WNK2: variants seen among roughly 807,000 people sequenced by gnomAD.
WNK2 encodes the protein serine/threonine-protein kinase WNK2.
In WNK2, 67 loss-of-function variants were observed where a neutral mutation model predicts 192.1. The ratio of observed to expected loss-of-function variants is 0.35; its 90% CI spans 0.29 to 0.43. WNK2 has a LOEUF of 0.43. WNK2 is among the 20% of genes least tolerant of loss of function. The pLI, the probability that WNK2 is intolerant of heterozygous loss-of-function variation, is 1.00. For synonymous variants in WNK2, 1,439 were observed against 1,393.9 expected, an observed-to-expected ratio of 1.03 and a Z score of -0.72; for missense variants, 2,698 against 3,089.7, an observed-to-expected ratio of 0.87 and a Z score of 3.01.
At chr9:93,320,234 CAG>C (rs1855296834) in intron 29 of WNK2, 131 bp from the exon 30 acceptor site, 1 of 965,442 alleles carries the variant, frequency 1.0e-6, no homozygotes, top group Admixed American at 2.3e-5. Context: ...ACCATCTACA[CAG>C]GGCGTGGGTC....
intron 16 of WNK2, among the ~76,000 whole-genome samples, chr9:93,264,865 CAAGTT>C (rs1564125277): frequency 6.6e-6 from 1 of 152,216 alleles, no homozygotes; most frequent in Non-Finnish European, 1.5e-5. Context: ...ATATACCACT[CAAGTT>C]AATATCATAG....
chr9:93,252,819 G>A, intron 8 of WNK2, 64 bp from the exon 9 acceptor site: 1 of 1,310,744 alleles, frequency 7.6e-7, no homozygotes. Context: ...ATGCAGATGA[G>A]CCAATGTTTG....
intron 19 of WNK2, among the ~76,000 whole-genome samples, chr9:93,284,475 CA>C (rs1848168459): frequency 6.6e-6 from 1 of 152,012 alleles, no homozygotes; most frequent in Non-Finnish European, 1.5e-5. Flanking sequence ...ACAAACAAAA[CA>C]AAACCAGCAA....
At chr9:93,207,297 C>T (rs1833574737) in intron 2 of WNK2, among the ~76,000 whole-genome samples, 1 of 152,206 alleles carries the variant, frequency 6.6e-6, no homozygotes, top group East Asian at 1.9e-4. Context: ...GCTCGGATAG[C>T]ACTCCTAAGT....
intron 2 of WNK2, among the ~76,000 whole-genome samples, chr9:93,197,209 TTC>T (rs1258529939): frequency 6.6e-6 from 1 of 152,222 alleles, no homozygotes. Context: ...CCATTTGCAG[TTC>T]ACCCCTGAGT....
At chr9:93,211,645 C>T (rs200841209) in intron 2 of WNK2, among the ~76,000 whole-genome samples, 1 of 151,056 alleles carries the variant, frequency 6.6e-6, no homozygotes, top group Non-Finnish European at 1.5e-5. Flanking sequence ...CATCCACTCA[C>T]CCACCCACTC....
At chr9:93,251,316 A>G (rs897816687) in intron 8 of WNK2, among the ~76,000 whole-genome samples, 4 of 150,068 alleles carry the variant, frequency 2.7e-5, no homozygotes, top group African/African-American at 4.9e-5. Flanking sequence ...GTGGGGTTTC[A>G]CTATGTTGGC....
At chr9:93,309,004 C>T (rs1853147217) in intron 28 of WNK2, 1 of 1,016,090 alleles carries the variant, frequency 9.8e-7, no homozygotes, top group African/African-American at 1.7e-5. Context: ...CAGCGTCTGG[C>T]CATAGCTCAC....
At chr9:93,282,515 AAAAC>A (rs1246720278) in intron 19 of WNK2, among the ~76,000 whole-genome samples, 3 of 152,154 alleles carry the variant, frequency 2.0e-5, no homozygotes, top group Admixed American at 2.0e-4. Context: ...TTAAGAGTAA[AAAAC>A]AAAAATGGAA....
At position 93,256,325 on chromosome 9, in the gene WNK2, G is replaced by A. The variant is rs1458366380; in HGVS notation, c.2061G>A (p.Pro687=). 12 of 1,580,302 alleles carry A rather than the reference G, an allele frequency of 7.6e-6. No homozygotes were observed. The highest frequency in any genetic ancestry group is 2.3e-5 in the South Asian group (2 of 87,202). The change falls in exon 10 of 30, where the codon CCG becomes CCA. Residue 687 remains proline (P), a synonymous_variant. Transcript: ENST00000427277. ...CTGGCTTGCCGGTGGGCTCTGTCCC[G>A]GCCCCCGCCTGCCCTCCGTCCCTCC... ...AAPGLPVGSV[P]APACPPSLQQ...
intron 9 of WNK2, among the ~76,000 whole-genome samples, chr9:93,254,915 A>C (rs1355372470): frequency 1.3e-5 from 2 of 152,148 alleles, no homozygotes; most frequent in African/African-American, 4.8e-5. Flanking sequence ...CCTGGCTCTC[A>C]TCCCTCCTCA....
At chr9:93,240,965 A>G (rs1328557286) in intron 7 of WNK2, among the ~76,000 whole-genome samples, 1 of 152,194 alleles carries the variant, frequency 6.6e-6, no homozygotes, top group Non-Finnish European at 1.5e-5. Flanking sequence ...TCTGTGGGGC[A>G]CTGCTGCCCT....
At chr9:93,317,227 C>T (rs568037557) in intron 28 of WNK2, 101 of 534,878 alleles carry the variant, frequency 1.9e-4, no homozygotes, top group Middle Eastern at 1.5e-3. Context: ...CATGCGCCCT[C>T]AGGGTCCAGG....
intron 26 of WNK2, chr9:93,300,470 G>A (rs1851405881): frequency 4.2e-6 from 1 of 235,408 alleles, no homozygotes; most frequent in Non-Finnish European, 8.2e-6. Flanking sequence ...CATTCTTTTC[G>A]TCACCTCATT....
At chr9:93,314,637 A>C (rs1450458386) in intron 28 of WNK2, among the ~76,000 whole-genome samples, 1 of 152,222 alleles carries the variant, frequency 6.6e-6, no homozygotes, top group Non-Finnish European at 1.5e-5. Context: ...CCCTCCCTAA[A>C]GACCTAATGG....
rs144339568 is a variant in WNK2 at position 93,319,570 on chromosome 9, G to T, written c.6629-797G>T. Among the ~76,000 whole-genome samples the T allele has an allele frequency of 5.1e-3, 775 of 152,368 alleles. 5 individuals carry two copies. Among genetic ancestry groups the T allele is most frequent in the Middle Eastern group, 0.017 (5 of 294 alleles). ...ATGGAGGGAGCCAGCCTCCTGGTCA[G>T]CGAGACACACCTGCAGCCCCTGTCT... On this transcript the variant is annotated intron_variant, in intron 29 of 29. Coordinates refer to ENST00000427277, the MANE Select transcript of WNK2 (RefSeq NM_006648.4).
At chr9:93,263,885 C>T (rs1844750457) in intron 15 of WNK2, 32 bp from the exon 16 acceptor site, 7 of 1,563,684 alleles carry the variant, frequency 4.5e-6, no homozygotes, top group Admixed American at 1.8e-5. Context: ...TGTGGGTACG[C>T]CCGTGGTGGG....
At chr9:93,318,770 ATTC>A in intron 29 of WNK2, 1 of 1,413,512 alleles carries the variant, frequency 7.1e-7, no homozygotes, top group South Asian at 1.6e-5. Flanking sequence ...GGGCGGGGTC[ATTC>A]TTCTCCTGGA....
At chr9:93,199,569 C>T (rs780683688) in intron 2 of WNK2, among the ~76,000 whole-genome samples, 11 of 152,152 alleles carry the variant, frequency 7.2e-5, no homozygotes, top group Admixed American at 3.3e-4. Context: ...GTTCGAGCAG[C>T]GTAGTGAATT....
Sources: gnomAD v4.1 joint callset for allele counts (sites outside exome capture counted in the v4.1 genomes callset) on GRCh38, gnomAD v4.1.1 for gene constraint, MANE v1.5 for transcripts, NCBI Gene and HGNC (gene_info 2026-07-23, HGNC 2026-07-21) for gene names.